CSNK1D: variants seen among roughly 807,000 people sequenced by gnomAD.
CSNK1D encodes the protein casein kinase I isoform delta.
CSNK1D carries 16 observed loss-of-function variants against 46.6 expected under a neutral mutation model. That is an observed-to-expected ratio of 0.34 (90% CI 0.23 to 0.52). The LOEUF (loss-of-function observed/expected upper bound fraction) is 0.52. Ranked by LOEUF, CSNK1D falls within the 20% of genes least tolerant of loss-of-function variation. CSNK1D has a pLI of 0.95. For missense variants in CSNK1D, 398 were observed against 578.4 expected (o/e 0.69, Z 3.20); for synonymous variants, 276 against 228.2 (o/e 1.21, Z -1.89).
In CSNK1D at chr17:82,244,641, C is replaced by T. The variant is rs1320724596; in HGVS notation, c.*140G>A. On this transcript the variant is annotated 3_prime_UTR_variant, in exon 9 of 9. Transcript: ENST00000314028. ...CCGTTTAGTATGTTTCCCCCACGAG[C>T]GTCGCTGGGTGAGTGGCCTGGAGAG... The T allele has an allele frequency of 4.5e-6, 7 of 1,546,876 alleles. No individual in the cohort carries two copies. The highest frequency in any genetic ancestry group is 4.8e-5 in the East Asian group (2 of 41,748).
In CSNK1D at chr17:82,262,238, G is replaced by GC. The variant is rs1414556388; in HGVS notation, c.187+3447dup. Among the ~76,000 whole-genome samples the GC allele has an allele frequency of 1.2e-4, 18 of 152,312 alleles. No homozygotes were observed. The Middle Eastern group carries it at 0.01, about 86-fold the overall frequency. On this transcript the variant is annotated intron_variant, in intron 2 of 8. Coordinates refer to ENST00000314028, the MANE Select transcript of CSNK1D (RefSeq NM_001893.6). ...CAGCTGAAGGCCACGTAGGGTGGCC[G>GC]CCATTTCCTTCTCTGGGAGCAGACA...
At position 82,255,797 on chromosome 17, in the gene CSNK1D, A is replaced by G. The variant is rs1156845333; in HGVS notation, c.188-220T>C. ...TGAGGCAGACGTTGGATGAGGGCCA[A>G]GCAGACAGGAGCTGTAAGGGGGACA... On this transcript the variant is annotated intron_variant, in intron 2 of 8. Transcript: ENST00000314028. The surrounding 1 kb of genome is among the most constrained non-coding windows in gnomAD (Gnocchi z 5.9). 6.6e-6 allele frequency among the ~76,000 whole-genome samples: 1 copy of G among 152,236 alleles called. No individual in the cohort carries two copies. The highest frequency in any genetic ancestry group is 2.4e-5 in the African/African-American group (1 of 41,470).
rs572020106 is a variant in CSNK1D, at chr17:82,253,453, C to T, written c.337-209G>A. On this transcript the variant is annotated intron_variant, in intron 3 of 8. Coordinates refer to ENST00000314028, the MANE Select transcript of CSNK1D (RefSeq NM_001893.6). ...CCTCCACACTCCACCCTCCACAGGC[C>T]TAGGCGCTTTGCCTTCAGCTCCCAC... 2.3e-4 allele frequency: 137 copies of T among 583,472 alleles called. 1 individual carries two copies. In the South Asian group the frequency reaches 2.4e-3, roughly 10 times the overall value. The allele number at this position is 583,472 out of a possible 1,614,324, so 36.1% of individuals were successfully genotyped here.
intron 1 of CSNK1D, among the ~76,000 whole-genome samples, chr17:82,269,781 G>A (rs976114786): frequency 1.3e-5 from 2 of 152,250 alleles, no homozygotes; most frequent in Admixed American, 1.3e-4. Context: ...CCTGCGGGGT[G>A]AACACAGCAG....
rs1406538520 is a variant in CSNK1D at position 82,252,182 on chromosome 17, C to A, written c.736+252G>T. 6.6e-6 allele frequency among the ~76,000 whole-genome samples: 1 copy of A among 152,220 alleles called. No homozygotes were observed. Among genetic ancestry groups the A allele is most frequent in the Non-Finnish European group, 1.5e-5 (1 of 68,036 alleles). On this transcript the variant is annotated intron_variant, in intron 5 of 8. Coordinates refer to ENST00000314028, the MANE Select transcript of CSNK1D (RefSeq NM_001893.6). The surrounding 1 kb of genome is among the most constrained non-coding windows in gnomAD (Gnocchi z 4.6). Reference sequence around the variant, plus strand: ...GCCACTTGGGGCCCTGAGGCTCGGGCCTGCCTTGCCTGCCATCTCTCCAGG... The same window carrying A: ...GCCACTTGGGGCCCTGAGGCTCGGGACTGCCTTGCCTGCCATCTCTCCAGG...
At chr17:82,239,411 T>C, downstream of CSNK1D, 1 of 174,604 alleles carries the variant, frequency 5.7e-6, no homozygotes, top group South Asian at 1.8e-4. Flanking sequence ...CCCTCTTGAG[T>C]GTCTTGGGGA....
At position 82,248,254 on chromosome 17, in the gene CSNK1D, G is replaced by GC; in HGVS notation, c.1197+620dup. 1.0e-6 allele frequency: 1 copy of GC among 986,292 alleles called. No individual in the cohort carries two copies. Among genetic ancestry groups the GC allele is most frequent in the African/African-American group, 1.7e-5 (1 of 57,364 alleles). 61.1% of individuals were successfully genotyped at this position (986,292 alleles called of 1,614,324 possible). A position where few individuals can be genotyped will look rare whatever the true frequency, so the allele number is the denominator to read the frequency against. On this transcript the variant is annotated intron_variant, in intron 8 of 8. Coordinates refer to ENST00000314028, the MANE Select transcript of CSNK1D (RefSeq NM_001893.6). The surrounding 1 kb of genome is among the most constrained non-coding windows in gnomAD (Gnocchi z 4.1). ...TAGTTCAAAGAGCACGTTAGCAAAC[G>GC]CAAAAGACAACAAAAGCCAGAGCGA... is the stretch of plus-strand genomic sequence containing the variant.
chr17:82,247,045 G>T, intron 8 of CSNK1D: 1 of 985,454 alleles, frequency 1.0e-6, no homozygotes, highest in East Asian at 1.1e-4. Flanking sequence ...CAAAGGAGGG[G>T]GCCCGCCCTG....
chr17:82,273,123 A>C lies in CSNK1D; in HGVS notation c.76+183T>G, dbSNP rs1217058997. 6.4e-4 allele frequency: 74 copies of C among 116,336 alleles called. No homozygotes were observed. Among genetic ancestry groups the C allele is most frequent in the Middle Eastern group, 5.5e-3 (2 of 362 alleles). 7.2% of individuals were successfully genotyped at this position (116,336 alleles called of 1,614,324 possible). A position where few individuals can be genotyped will look rare whatever the true frequency, so the allele number is the denominator to read the frequency against. ...TGCCCCTCCCCCACGTCCGCTCCCC[A>C]CTGCCCTCCCCACCCCTGGCCGCGC... On this transcript the variant is annotated intron_variant, in intron 1 of 8. Coordinates refer to ENST00000314028, the MANE Select transcript of CSNK1D (RefSeq NM_001893.6). This position sits in a 1 kb window ranked among gnomAD's most constrained non-coding sequence, Gnocchi z 5.1.
rs1473168463 is a variant in CSNK1D at position 82,243,272 on chromosome 17, G to A, written c.*1509C>T. On this transcript the variant is annotated 3_prime_UTR_variant, in exon 9 of 9. Transcript: ENST00000314028. ...TCTGGGGAGGAGAAGGGAGAACCAA[G>A]GTGCACACCTTCGAAGCCCTAGAGT... is the stretch of plus-strand genomic sequence containing the variant. 3 of 985,360 alleles carry A rather than the reference G, an allele frequency of 3.0e-6. No individual in the cohort carries two copies. Among genetic ancestry groups the A allele is most frequent in the East Asian group, 1.1e-4 (1 of 8,822 alleles). 61.0% of individuals were successfully genotyped at this position (985,360 alleles called of 1,614,324 possible). A position where few individuals can be genotyped will look rare whatever the true frequency, so the allele number is the denominator to read the frequency against.
chr17:82,241,661 GC>G (rs140285097), downstream of CSNK1D, among the ~76,000 whole-genome samples: 1,263 of 152,360 alleles, frequency 8.3e-3, 20 homozygotes, highest in African/African-American at 0.029. Context: ...CCACAGTGAG[GC>G]CCCACACGGT....
At chr17:82,260,610 C>CGTGACTGATGGTGTACTGACTGAT (rs1568575423) in intron 2 of CSNK1D, among the ~76,000 whole-genome samples, 1 of 91,948 alleles carries the variant, frequency 1.1e-5, no homozygotes, top group Non-Finnish European at 2.1e-5. Flanking sequence ...TACTGAGTGA[C>CGTGACTGATGGTGTACTGACTGAT]GTGACTGATG....
In CSNK1D at chr17:82,250,115, G is replaced by C; in HGVS notation, c.886-513C>G. On this transcript the variant is annotated intron_variant, in intron 6 of 8. Coordinates refer to ENST00000314028, the MANE Select transcript of CSNK1D (RefSeq NM_001893.6). The surrounding 1 kb of genome is among the most constrained non-coding windows in gnomAD (Gnocchi z 4.6). ...TGGCGTGGCCAGCAGCCGGCAGCCG[G>C]ATCTGTGCTGCACTATCCAGATGCA... 7.7e-7 allele frequency: 1 copy of C among 1,290,888 alleles called. No homozygotes were observed. Among genetic ancestry groups the C allele is most frequent in the Non-Finnish European group, 1.0e-6 (1 of 989,696 alleles). 80.0% of individuals were successfully genotyped at this position (1,290,888 alleles called of 1,614,324 possible). A position where few individuals can be genotyped will look rare whatever the true frequency, so the allele number is the denominator to read the frequency against.
At chr17:82,267,530 T>C (rs2051508806) in intron 1 of CSNK1D, among the ~76,000 whole-genome samples, 1 of 152,158 alleles carries the variant, frequency 6.6e-6, no homozygotes, top group Non-Finnish European at 1.5e-5. Context: ...CCAGTGACCA[T>C]TCTAGATTTA....
intron 2 of CSNK1D, among the ~76,000 whole-genome samples, chr17:82,262,014 G>T (rs999559069): frequency 3.3e-5 from 5 of 152,222 alleles, no homozygotes; most frequent in African/African-American, 1.2e-4. Context: ...GCTTTTGGGG[G>T]ATGTTAGGAT....
intron 1 of CSNK1D, among the ~76,000 whole-genome samples, chr17:82,269,096 TAAAAAAA>T (rs766007194): frequency 3.8e-5 from 4 of 105,380 alleles, no homozygotes; most frequent in African/African-American, 1.1e-4. Flanking sequence ...TACTTTGTCT[TAAAAAAA>T]AAAAAAAAAA....
chr17:82,252,918 G>T lies in CSNK1D; in HGVS notation c.565+98C>A. 1.8e-6 allele frequency: 2 copies of T among 1,135,620 alleles called. No homozygotes were observed. Among genetic ancestry groups the T allele is most frequent in the Non-Finnish European group, 2.6e-6 (2 of 765,696 alleles). 70.3% of individuals were successfully genotyped at this position (1,135,620 alleles called of 1,614,324 possible). On this transcript the variant is annotated intron_variant, in intron 4 of 8. Transcript: ENST00000314028. The surrounding 1 kb of genome is among the most constrained non-coding windows in gnomAD (Gnocchi z 4.6). Reference sequence around the variant, plus strand: ...GCCGCAAAGGTCTGATGACACGCTTGCAGCCCCAGCTCCCCGAGAGGCTGG... The same window carrying T: ...GCCGCAAAGGTCTGATGACACGCTTTCAGCCCCAGCTCCCCGAGAGGCTGG...
chr17:82,240,392 C>A (rs531725662), downstream of CSNK1D, among the ~76,000 whole-genome samples: 4 of 152,304 alleles, frequency 2.6e-5, no homozygotes, highest in East Asian at 3.9e-4. Context: ...GGCCTTCCCC[C>A]GCTGGCACCC....
At chr17:82,259,865 T>G (rs1267773802) in intron 2 of CSNK1D, among the ~76,000 whole-genome samples, 1 of 152,234 alleles carries the variant, frequency 6.6e-6, no homozygotes, top group South Asian at 2.1e-4. Flanking sequence ...TTCAAAAGAC[T>G]ATGTGGCATG....
Sources: gnomAD v4.1 joint callset for allele counts (sites outside exome capture counted in the v4.1 genomes callset) on GRCh38, gnomAD v4.1.1 for gene constraint, Gnocchi (gnomAD v3.1) non-coding constraint, MANE v1.5 for transcripts, NCBI Gene and HGNC (gene_info 2026-07-23, HGNC 2026-07-21) for gene names.